Variants in SLC35F1 observed in about 807,000 individuals in gnomAD.
The protein encoded by SLC35F1 is solute carrier family 35 member F1, also known as chromosome 6 open reading frame 169.
In SLC35F1, 14 loss-of-function variants were observed where a neutral mutation model predicts 48.7. The observed-to-expected ratio is 0.29, with a 90% CI of 0.19 to 0.45. The LOEUF (loss-of-function observed/expected upper bound fraction) is 0.45. Ranked by LOEUF, SLC35F1 falls within the 20% of genes least tolerant of loss-of-function variation. The probability of loss-of-function intolerance (pLI) is 1.00; values close to 1 mark genes in which losing one functional copy is unlikely to be tolerated. For synonymous variants in SLC35F1, 190 were observed against 202.2 expected, an observed-to-expected ratio of 0.94 and a Z score of 0.51; for missense variants, 404 against 500.0, an observed-to-expected ratio of 0.81 and a Z score of 1.83.
chr6:118,228,763 G>C (rs747824020), intron 2 of SLC35F1, among the ~76,000 whole-genome samples: 2 of 151,958 alleles, frequency 1.3e-5, no homozygotes, highest in East Asian at 3.9e-4. Context: ...TGATATTAAG[G>C]CATCACACTG....
At chr6:117,970,283 A>G (rs1436958367) in intron 1 of SLC35F1, among the ~76,000 whole-genome samples, 2 of 152,224 alleles carry the variant, frequency 1.3e-5, no homozygotes, top group African/African-American at 2.4e-5. Context: ...GACTATAGTG[A>G]TGATAAGAAC....
At chr6:118,235,717 T>C in intron 3 of SLC35F1, 81 bp downstream of exon 3, 2 of 1,405,122 alleles carry the variant, frequency 1.4e-6, no homozygotes, top group Non-Finnish European at 2.0e-6. Context: ...AAAATCTCTA[T>C]ACTACAAGTT....
At chr6:118,023,844 C>T (rs1488759816) in intron 1 of SLC35F1, among the ~76,000 whole-genome samples, 1 of 152,190 alleles carries the variant, frequency 6.6e-6, no homozygotes, top group African/African-American at 2.4e-5. Flanking sequence ...AAAAAGGAAA[C>T]TGCTCTCTAG....
intron 1 of SLC35F1, among the ~76,000 whole-genome samples, chr6:118,045,798 A>T (rs1772290976): frequency 6.6e-6 from 1 of 152,180 alleles, no homozygotes; most frequent in Non-Finnish European, 1.5e-5. Flanking sequence ...TGGGAGAAGG[A>T]TGCTATGGTA....
At chr6:117,973,666 A>C (rs1490494693) in intron 1 of SLC35F1, among the ~76,000 whole-genome samples, 1 of 151,780 alleles carries the variant, frequency 6.6e-6, no homozygotes, top group Admixed American at 6.6e-5. Context: ...GGCTGAAGAG[A>C]CCCTCCTGCC....
chr6:117,916,928 G>A (rs997340509), intron 1 of SLC35F1, among the ~76,000 whole-genome samples: 5 of 152,118 alleles, frequency 3.3e-5, no homozygotes, highest in African/African-American at 1.2e-4. Context: ...GGGATACTTC[G>A]GGAAACAAAG....
intron 3 of SLC35F1, among the ~76,000 whole-genome samples, chr6:118,245,385 A>G (rs1249634491): frequency 1.3e-5 from 2 of 152,150 alleles, no homozygotes; most frequent in African/African-American, 4.8e-5. Context: ...GTGGATTTCC[A>G]GGAGGTTTGT....
intron 2 of SLC35F1, among the ~76,000 whole-genome samples, chr6:118,213,851 TCTAGCATTG>T (rs1444302667): frequency 1.3e-5 from 2 of 152,240 alleles, no homozygotes; most frequent in Non-Finnish European, 2.9e-5. Flanking sequence ...TCATAAATTT[TCTAGCATTG>T]CTTCTTAGGA....
At chr6:118,224,985 A>G (rs551266576) in intron 2 of SLC35F1, among the ~76,000 whole-genome samples, 7 of 152,342 alleles carry the variant, frequency 4.6e-5, no homozygotes, top group Admixed American at 4.6e-4. Flanking sequence ...AAAGAGCTAT[A>G]CAAGGAAAAA....
chr6:117,937,851 A>G (rs1215767899), intron 1 of SLC35F1, among the ~76,000 whole-genome samples: 2 of 152,170 alleles, frequency 1.3e-5, no homozygotes, highest in Admixed American at 1.3e-4. Flanking sequence ...CATCACATCC[A>G]TGTTACACCC....
chr6:118,084,641 AG>A (rs772490270), intron 1 of SLC35F1, among the ~76,000 whole-genome samples: 3 of 152,080 alleles, frequency 2.0e-5, no homozygotes, highest in Non-Finnish European at 2.9e-5. Context: ...CATCCAAACT[AG>A]GGGGTTTCAA....
At chr6:118,035,419 TAACATGATGA>T (rs1346067941) in intron 1 of SLC35F1, among the ~76,000 whole-genome samples, 1 of 150,558 alleles carries the variant, frequency 6.6e-6, no homozygotes, top group African/African-American at 2.4e-5. Context: ...CCAGCCTGCT[TAACATGATGA>T]AACCCCATTT....
chr6:118,306,684 C>T (rs1472409715), intron 7 of SLC35F1, among the ~76,000 whole-genome samples: 1 of 152,186 alleles, frequency 6.6e-6, no homozygotes, highest in Non-Finnish European at 1.5e-5. Context: ...TAAACATTCC[C>T]ACAGAGTAAG....
chr6:117,966,733 CT>C (rs1346483498), intron 1 of SLC35F1, among the ~76,000 whole-genome samples: 1 of 152,220 alleles, frequency 6.6e-6, no homozygotes, highest in African/African-American at 2.4e-5. Context: ...GGTCTTGTCT[CT>C]GTTTCCTGTG....
chr6:118,285,831 G>A (rs2114642211), intron 7 of SLC35F1, among the ~76,000 whole-genome samples: 1 of 152,302 alleles, frequency 6.6e-6, no homozygotes, highest in South Asian at 2.1e-4. Flanking sequence ...TTTACTAAAA[G>A]ATTGGGGTTT....
chr6:118,042,513 A>G (rs1169687945), intron 1 of SLC35F1, among the ~76,000 whole-genome samples: 1 of 152,174 alleles, frequency 6.6e-6, no homozygotes, highest in Non-Finnish European at 1.5e-5. Context: ...AGTTTGAGTA[A>G]TGGTGGAAGA....
intron 1 of SLC35F1, among the ~76,000 whole-genome samples, chr6:117,938,322 C>G (rs536212546): frequency 1.3e-5 from 2 of 152,326 alleles, no homozygotes; most frequent in East Asian, 1.9e-4. Flanking sequence ...AAAAGTCACT[C>G]TTATGATTTT....
chr6:117,931,011 A>G (rs919944996), intron 1 of SLC35F1, among the ~76,000 whole-genome samples: 1 of 152,164 alleles, frequency 6.6e-6, no homozygotes, highest in African/African-American at 2.4e-5. Context: ...TATCTGTCAA[A>G]TGGAGATAGT....
At chr6:118,249,026 A>G (rs933692089) in intron 3 of SLC35F1, among the ~76,000 whole-genome samples, 1 of 152,228 alleles carries the variant, frequency 6.6e-6, no homozygotes, top group African/African-American at 2.4e-5. Context: ...ACTGCTGTCT[A>G]TGAACCAGGG....
Sources: allele counts gnomAD v4.1 joint callset (sites outside exome capture counted in the v4.1 genomes callset), GRCh38; gene constraint gnomAD v4.1.1; transcripts MANE v1.5; gene names NCBI Gene and HGNC (gene_info 2026-07-23, HGNC 2026-07-21).